The following PLOD2 variants were observed in gnomAD, a reference collection of about 807,000 sequenced individuals.
PLOD2 encodes the protein procollagen-lysine,2-oxoglutarate 5-dioxygenase 2.
A neutral mutation model predicts 101.0 loss-of-function variants in PLOD2; 65 were observed. The ratio of observed to expected loss-of-function variants is 0.64; its 90% confidence interval spans 0.53 to 0.79. The LOEUF (loss-of-function observed/expected upper bound fraction) is 0.79. PLOD2 is among the 30% of genes least tolerant of loss of function. The pLI is 0.00. For missense variants in PLOD2, 909 were observed against 914.6 expected (o/e 0.99, Z 0.08); for synonymous variants, 314 against 302.9 (o/e 1.04, Z -0.38).
At chr3:146,080,714 T>A (rs1030897103) in intron 12 of PLOD2, among the ~76,000 whole-genome samples, 2 of 152,148 alleles carry the variant, frequency 1.3e-5, no homozygotes, top group Non-Finnish European at 1.5e-5. Context: ...TCATTTGTGA[T>A]GTGCCCAAAG....
At chr3:146,099,351 G>A (rs1937307060) in intron 7 of PLOD2, among the ~76,000 whole-genome samples, 1 of 152,014 alleles carries the variant, frequency 6.6e-6, no homozygotes, top group African/African-American at 2.4e-5. Context: ...CTGAACATAA[G>A]GCCTTATCCA....
intron 5 of PLOD2, 121 bp downstream of exon 5, chr3:146,106,411 A>C (rs538181532): frequency 1.4e-6 from 1 of 706,094 alleles, no homozygotes; most frequent in African/African-American, 1.8e-5. Flanking sequence ...ACATTTTGAA[A>C]TTCAGTTTAC....
At chr3:146,153,260 C>CT (rs2032149499) in intron 1 of PLOD2, among the ~76,000 whole-genome samples, 1 of 152,060 alleles carries the variant, frequency 6.6e-6, no homozygotes, top group Admixed American at 6.6e-5. Flanking sequence ...TAGCTGGTTC[C>CT]TTTTTTCAAA....
Position 146,155,311 on chromosome 3 carries a change from G to T in PLOD2, c.109+5570C>A, listed in dbSNP as rs1217172095. ...TGCATTCTAGCCTGACCTACAGAGT[G>T]AGACCCTGTCTATAAATAAATTAAT... On this transcript the variant is annotated intron_variant, in intron 1 of 19. Transcript: ENST00000282903. Among the ~76,000 whole-genome samples the T allele has an allele frequency of 8.8e-5, 13 of 147,678 alleles. No individual in the cohort carries two copies. The Admixed American group carries it at 9.0e-4, about 10-fold the overall frequency.
chr3:146,070,737 C>T lies in PLOD2; in HGVS notation c.2257G>A (p.Val753Met), dbSNP rs1334066975. 2 of 1,606,684 alleles carry T rather than the reference C, an allele frequency of 1.2e-6. No homozygotes were observed. Among genetic ancestry groups the T allele is most frequent in the Non-Finnish European group, 1.7e-6 (2 of 1,174,230 alleles). ...PVKNGTRYIA[V>M]SFIDP ...ATAACTTAGGGATCTATAAATGACA[C>T]TGCAATGTATCTTGTTCCATTTTTA... The change falls in exon 20 of 20, where the codon GTG becomes ATG. Residue 753 changes from valine (V) to methionine (M), a missense_variant. Coordinates refer to ENST00000282903, the MANE Select transcript of PLOD2 (RefSeq NM_182943.3).
rs1378368140 is a variant in PLOD2 at position 146,069,638 on chromosome 3, A to C, written c.*1079T>G. On this transcript the variant is annotated 3_prime_UTR_variant, in exon 20 of 20. Transcript: ENST00000282903. ...TATTTTTGTTGGAGAATTTTTTTAT[A>C]AGCGGGATAGAGGGAAGTTAACATA... 3 of 152,272 alleles carry C rather than the reference A, an allele frequency of 2.0e-5. No homozygotes were observed. The highest frequency in any genetic ancestry group is 6.6e-5 in the Admixed American group (1 of 15,174). The allele number at this position is 152,272 out of a possible 1,614,324, so 9.4% of individuals were successfully genotyped here.
intron 1 of PLOD2, among the ~76,000 whole-genome samples, chr3:146,148,674 A>C (rs191494187): frequency 6.6e-6 from 1 of 152,338 alleles, no homozygotes; most frequent in East Asian, 1.9e-4. Flanking sequence ...AATAATTCAA[A>C]GCACAACAGA....
At chr3:146,094,445 TAGAC>T (rs527433590) in intron 7 of PLOD2, among the ~76,000 whole-genome samples, 34 of 152,204 alleles carry the variant, frequency 2.2e-4, no homozygotes, top group East Asian at 1.9e-3. Flanking sequence ...ACACCAATAA[TAGAC>T]AGAGAGCCAA....
intron 7 of PLOD2, among the ~76,000 whole-genome samples, chr3:146,097,031 C>A (rs1937207398): frequency 6.0e-5 from 9 of 148,786 alleles, no homozygotes; most frequent in Admixed American, 5.9e-4. Context: ...GGCCAGCCGC[C>A]CCGTCCGGGA....
At chr3:146,116,631 A>C (rs1239251029) in intron 3 of PLOD2, among the ~76,000 whole-genome samples, 3 of 152,140 alleles carry the variant, frequency 2.0e-5, no homozygotes, top group Non-Finnish European at 2.9e-5. Flanking sequence ...TACGGAGTAC[A>C]CACATAATGG....
At chr3:146,128,193 G>A (rs2030690256) in intron 1 of PLOD2, among the ~76,000 whole-genome samples, 1 of 152,108 alleles carries the variant, frequency 6.6e-6, no homozygotes, top group Non-Finnish European at 1.5e-5. Context: ...CAAGCCAAAT[G>A]AATGATACAG....
chr3:146,153,416 T>A (rs978524720), intron 1 of PLOD2, among the ~76,000 whole-genome samples: 1 of 152,192 alleles, frequency 6.6e-6, no homozygotes. Context: ...TAAATGTTAC[T>A]GGCCCCCTTC....
chr3:146,141,485 C>T (rs1413355495), intron 1 of PLOD2, among the ~76,000 whole-genome samples: 1 of 152,054 alleles, frequency 6.6e-6, no homozygotes, highest in Non-Finnish European at 1.5e-5. Context: ...ACAGATTTAA[C>T]CCCTGACTCC....
chr3:146,101,501 T>A (rs1937388960), intron 7 of PLOD2, among the ~76,000 whole-genome samples: 1 of 152,172 alleles, frequency 6.6e-6, no homozygotes, highest in Non-Finnish European at 1.5e-5. Context: ...CAATGAATTG[T>A]CAGATGCTGT....
chr3:146,099,034 A>C (rs1021550732), intron 7 of PLOD2, among the ~76,000 whole-genome samples: 1 of 152,176 alleles, frequency 6.6e-6, no homozygotes, highest in African/African-American at 2.4e-5. Flanking sequence ...TTTGTATTAT[A>C]CCAAATATAA....
At chr3:146,113,010 T>C (rs549988747) in intron 3 of PLOD2, among the ~76,000 whole-genome samples, 196 of 152,268 alleles carry the variant, frequency 1.3e-3, no homozygotes, top group Middle Eastern at 6.8e-3. Context: ...AAGTTATAAA[T>C]GCACTTTTGG....
At chr3:146,072,538 C>A (rs1480569186) in intron 17 of PLOD2, 23 bp downstream of exon 17, 2 of 1,417,120 alleles carry the variant, frequency 1.4e-6, no homozygotes, top group Non-Finnish European at 2.0e-6. Flanking sequence ...CATTTTAGTT[C>A]TTAGTGTGAA....
At chr3:146,140,967 A>G (rs917147549) in intron 1 of PLOD2, among the ~76,000 whole-genome samples, 6 of 152,022 alleles carry the variant, frequency 3.9e-5, no homozygotes, top group Admixed American at 2.6e-4. Context: ...CTGAGTGTCC[A>G]TGTACCTGCT....
At chr3:146,134,893 G>C (rs934969994) in intron 1 of PLOD2, among the ~76,000 whole-genome samples, 1 of 152,156 alleles carries the variant, frequency 6.6e-6, no homozygotes, top group African/African-American at 2.4e-5. Context: ...AAAATAAACA[G>C]CCTTTATGTA....
Sources: allele counts gnomAD v4.1 joint callset (sites outside exome capture counted in the v4.1 genomes callset), GRCh38; gene constraint gnomAD v4.1.1; transcripts MANE v1.5; gene names NCBI Gene and HGNC (gene_info 2026-07-23, HGNC 2026-07-21).